The following RAD51C variants were observed in gnomAD, a reference collection of about 807,000 sequenced individuals.
RAD51C encodes the protein DNA repair protein RAD51 homolog 3.
RAD51C carries 42 observed loss-of-function variants against 45.0 expected under a neutral mutation model. That is an observed-to-expected ratio of 0.93 (90% CI 0.73 to 1.21). RAD51C has a LOEUF of 1.21. RAD51C is among the 50% of genes most tolerant of loss of function. The probability of loss-of-function intolerance (pLI) is 0.00; values close to 1 mark genes in which losing one functional copy is unlikely to be tolerated. For synonymous variants in RAD51C, 172 were observed against 159.8 expected, an observed-to-expected ratio of 1.08 and a Z score of -0.58; for missense variants, 474 against 452.2, an observed-to-expected ratio of 1.05 and a Z score of -0.44.
At chr17:58,732,047 C>T (rs1361686050) in intron 7 of RAD51C, among the ~76,000 whole-genome samples, 3 of 152,068 alleles carry the variant, frequency 2.0e-5, no homozygotes, top group Non-Finnish European at 4.4e-5. Flanking sequence ...CAACCTTTAC[C>T]TTGTGATAAC....
At chr17:58,704,549 G>C (rs1037644681) in intron 4 of RAD51C, among the ~76,000 whole-genome samples, 2 of 151,850 alleles carry the variant, frequency 1.3e-5, no homozygotes, top group African/African-American at 4.8e-5. Context: ...AGTTTAGCAA[G>C]AATTTCCCTA....
At chr17:58,699,098 C>T (rs1330150913) in intron 3 of RAD51C, among the ~76,000 whole-genome samples, 1 of 151,798 alleles carries the variant, frequency 6.6e-6, no homozygotes. Flanking sequence ...CCTCTGCCTG[C>T]TGGGTTCAAG....
At chr17:58,724,173 A>G in intron 7 of RAD51C, 73 bp downstream of exon 7, 1 of 1,433,446 alleles carries the variant, frequency 7.0e-7, no homozygotes. Context: ...CAGGTTTCTT[A>G]GAGCTAGTCC....
intron 3 of RAD51C, among the ~76,000 whole-genome samples, chr17:58,697,397 G>A (rs2048055195): frequency 6.6e-6 from 1 of 152,012 alleles, no homozygotes; most frequent in African/African-American, 2.4e-5. Flanking sequence ...TTAGCCAGGT[G>A]TGATGGCACA....
intron 2 of RAD51C, 131 bp downstream of exon 2, chr17:58,695,320 C>G: frequency 4.2e-6 from 6 of 1,413,232 alleles, no homozygotes; most frequent in Non-Finnish European, 5.5e-6. Context: ...GTGCATTAAA[C>G]AAAAATTAGC....
chr17:58,694,763 C>T, intron 1 of RAD51C, 168 bp from the exon 2 acceptor site: 4 of 748,370 alleles, frequency 5.3e-6, no homozygotes, highest in South Asian at 3.2e-5. Context: ...GCATGAGCCA[C>T]TGTGTCCGGC....
At chr17:58,728,670 T>C (rs2049272736) in intron 7 of RAD51C, among the ~76,000 whole-genome samples, 1 of 152,126 alleles carries the variant, frequency 6.6e-6, no homozygotes, top group Admixed American at 6.6e-5. Context: ...AGTACTGGGA[T>C]TATAGGCGTG....
At chr17:58,712,176 A>G (rs538335014) in intron 5 of RAD51C, among the ~76,000 whole-genome samples, 1 of 151,956 alleles carries the variant, frequency 6.6e-6, no homozygotes, top group Non-Finnish European at 1.5e-5. Context: ...GTGAAACCCC[A>G]TCTCTACTAA....
At chr17:58,732,001 A>G (rs2049446211) in intron 7 of RAD51C, among the ~76,000 whole-genome samples, 1 of 152,204 alleles carries the variant, frequency 6.6e-6, no homozygotes, top group Non-Finnish European at 1.5e-5. Flanking sequence ...TTAAAAAAAC[A>G]TGATTACTGC....
chr17:58,726,621 TGTATACGTATAGATGTATATAC>T (rs1371760894), intron 7 of RAD51C, among the ~76,000 whole-genome samples: 1,989 of 149,406 alleles, frequency 0.013, 51 homozygotes, highest in African/African-American at 0.046. Context: ...TGTATATATG[TGTATACGTATAGATGTATATAC>T]GTATACGTAT....
intron 5 of RAD51C, among the ~76,000 whole-genome samples, chr17:58,713,282 C>T (rs1216165874): frequency 1.3e-5 from 2 of 152,076 alleles, no homozygotes; most frequent in Admixed American, 6.6e-5. Flanking sequence ...ACACTAACAG[C>T]TGCATAGTAT....
intron 7 of RAD51C, among the ~76,000 whole-genome samples, chr17:58,727,127 C>CTT (rs1268900552): frequency 7.6e-6 from 1 of 131,774 alleles, no homozygotes. Flanking sequence ...GCCTTATAAA[C>CTT]TTTTTTTTTT....
chr17:58,692,857 C>A lies in RAD51C; in HGVS notation c.145+69C>A, dbSNP rs2047827807. 16 of 1,608,810 alleles carry A rather than the reference C, an allele frequency of 9.9e-6. No homozygotes were observed. The South Asian group carries it at 1.5e-4, about 16-fold the overall frequency. On this transcript the variant is annotated intron_variant, in intron 1 of 8. Transcript: ENST00000337432. ...AGCGCCGCCTCAGTCTTCGTTCTCTCGCCTCGGCCTTCAGCCCAGTCTCCG... is the reference window on the plus strand; with the variant it reads ...AGCGCCGCCTCAGTCTTCGTTCTCTAGCCTCGGCCTTCAGCCCAGTCTCCG...
chr17:58,692,833 G>C, intron 1 of RAD51C, 45 bp downstream of exon 1: 1 of 1,613,718 alleles, frequency 6.2e-7, no homozygotes, highest in South Asian at 1.1e-5. Flanking sequence ...GCCGCCGTCA[G>C]CGCCGCCTCA....
chr17:58,727,936 TAAA>T (rs768880216), intron 7 of RAD51C, among the ~76,000 whole-genome samples: 1 of 136,926 alleles, frequency 7.3e-6, no homozygotes, highest in African/African-American at 2.7e-5. Context: ...TCTAAGATAT[TAAA>T]AAAAAAAAAA....
At chr17:58,711,224 C>T (rs778909197) in intron 5 of RAD51C, among the ~76,000 whole-genome samples, 2 of 151,894 alleles carry the variant, frequency 1.3e-5, no homozygotes, top group African/African-American at 2.4e-5. Context: ...TCACCTTTTC[C>T]GACTAAAAAA....
intron 3 of RAD51C, among the ~76,000 whole-genome samples, chr17:58,699,150 G>A (rs1225138124): frequency 6.6e-6 from 1 of 151,588 alleles, no homozygotes. Context: ...GGGACTACGG[G>A]CATGTGCCAC....
chr17:58,724,107 A>G lies in RAD51C; in HGVS notation c.965+7A>G, dbSNP rs1170701075. ...ATTGGGACCGAAAGCAAAGGTCAGTACAGAAACAAGTTAATAACTCCGAAT... is the reference window on the plus strand; with the variant it reads ...ATTGGGACCGAAAGCAAAGGTCAGTGCAGAAACAAGTTAATAACTCCGAAT... On this transcript the variant is annotated splice_region_variant and intron_variant, in intron 7 of 8. Transcript: ENST00000337432. 6.2e-7 allele frequency: 1 copy of G among 1,607,660 alleles called. No homozygotes were observed. The highest frequency in any genetic ancestry group is 8.5e-7 in the Non-Finnish European group (1 of 1,174,220).
chr17:58,712,359 A>G (rs934614989), intron 5 of RAD51C, among the ~76,000 whole-genome samples: 3 of 151,602 alleles, frequency 2.0e-5, no homozygotes, highest in East Asian at 1.9e-4. Flanking sequence ...AAAAAAAAAA[A>G]AAAAAAGAAA....
Sources: gnomAD v4.1 joint callset for allele counts (sites outside exome capture counted in the v4.1 genomes callset) on GRCh38, gnomAD v4.1.1 for gene constraint, MANE v1.5 for transcripts, NCBI Gene and HGNC (gene_info 2026-07-23, HGNC 2026-07-21) for gene names.